Variants in ADAM12 observed in about 807,000 individuals in gnomAD.
The protein encoded by ADAM12 is disintegrin and metalloproteinase domain-containing protein 12.
In ADAM12, 70 loss-of-function variants were observed where a neutral mutation model predicts 106.4. That is an observed-to-expected ratio of 0.66 (90% CI 0.54 to 0.80). The LOEUF (loss-of-function observed/expected upper bound fraction) is 0.80, where lower values mean the gene tolerates loss of function less well. Among genes scored for constraint, ADAM12 ranks in the 30% least tolerant of loss-of-function variants. The probability of loss-of-function intolerance (pLI) is 0.00; values close to 1 mark genes in which losing one functional copy is unlikely to be tolerated. For missense variants in ADAM12, 1,010 were observed against 1,171.9 expected, an observed-to-expected ratio of 0.86 and a Z score of 2.02; for synonymous variants, 420 against 433.5, an observed-to-expected ratio of 0.97 and a Z score of 0.39.
intron 5 of ADAM12, among the ~76,000 whole-genome samples, chr10:126,128,192 C>T (rs1956237256): frequency 6.6e-6 from 1 of 152,078 alleles, no homozygotes; most frequent in African/African-American, 2.4e-5. Context: ...GTGAGCTTCC[C>T]ATGAGGACAA....
intron 5 of ADAM12, among the ~76,000 whole-genome samples, chr10:126,125,249 CTT>C (rs35917087): frequency 3.7e-5 from 5 of 134,230 alleles, no homozygotes; most frequent in Admixed American, 8.0e-5. Flanking sequence ...CTTTTCTTTT[CTT>C]TTTTTTTTTT....
intron 3 of ADAM12, among the ~76,000 whole-genome samples, chr10:126,206,858 G>GA (rs927028647): frequency 1.4e-5 from 2 of 139,172 alleles, no homozygotes; most frequent in Admixed American, 1.4e-4. Context: ...GTGTTGTGGG[G>GA]GCGGGGGGGA....
At chr10:126,368,348 T>G (rs1855987656) in intron 1 of ADAM12, among the ~76,000 whole-genome samples, 1 of 141,084 alleles carries the variant, frequency 7.1e-6, no homozygotes, top group African/African-American at 2.6e-5. Context: ...GCTTAGATTG[T>G]GTGATTTGTT....
At chr10:126,057,549 G>A (rs953867779) in intron 14 of ADAM12, among the ~76,000 whole-genome samples, 10 of 152,044 alleles carry the variant, frequency 6.6e-5, no homozygotes, top group African/African-American at 1.9e-4. Flanking sequence ...AGGACGCAGC[G>A]GCCGGAACTT....
At chr10:126,032,103 T>TA (rs2133391215) in intron 21 of ADAM12, among the ~76,000 whole-genome samples, 1 of 152,332 alleles carries the variant, frequency 6.6e-6, no homozygotes. Context: ...AGACCTAGCT[T>TA]ACAGTTTAAA....
chr10:126,157,844 C>G (rs945357894), intron 3 of ADAM12, among the ~76,000 whole-genome samples: 2 of 149,416 alleles, frequency 1.3e-5, no homozygotes, highest in Non-Finnish European at 3.0e-5. Flanking sequence ...GTCACGCAGT[C>G]ATGAGCAAAG....
intron 22 of ADAM12, 90 bp downstream of exon 22, chr10:126,019,605 C>G: frequency 6.6e-7 from 1 of 1,516,752 alleles, no homozygotes; most frequent in Non-Finnish European, 8.9e-7. Context: ...CGGCCTAGAC[C>G]ACTGCACCCC....
intron 4 of ADAM12, among the ~76,000 whole-genome samples, chr10:126,150,574 C>T (rs896449015): frequency 1.3e-5 from 2 of 152,136 alleles, no homozygotes; most frequent in Admixed American, 1.3e-4. Flanking sequence ...CTCCCCCACC[C>T]TCTATCCCCT....
At chr10:126,249,571 G>T (rs907754844) in intron 3 of ADAM12, among the ~76,000 whole-genome samples, 31 of 152,160 alleles carry the variant, frequency 2.0e-4, no homozygotes, top group African/African-American at 3.4e-4. Context: ...GGTGGCGGGC[G>T]CCTGTGCCTG....
intron 21 of ADAM12, among the ~76,000 whole-genome samples, chr10:126,027,368 T>A (rs1953893479): frequency 1.3e-5 from 2 of 152,154 alleles, no homozygotes; most frequent in African/African-American, 4.8e-5. Flanking sequence ...CCTCTCTAAC[T>A]CATTCTGTGA....
At chr10:126,157,557 C>T (rs772730263) in intron 3 of ADAM12, among the ~76,000 whole-genome samples, 1 of 152,210 alleles carries the variant, frequency 6.6e-6, no homozygotes. Context: ...CAGTTAGACC[C>T]CGATGGCAGG....
Position 126,106,107 on chromosome 10 carries a change from C to T in ADAM12, c.741+2486G>A, listed in dbSNP as rs548028281. On this transcript the variant is annotated intron_variant, in intron 8 of 22. Transcript: ENST00000448723. ...TCGTCTACCTGCCCCTCCACTCCAA[C>T]GAAACTGGCGGTCATGTGGTCTCCC... Among the ~76,000 whole-genome samples, 26 of 152,258 alleles carry T rather than the reference C, an allele frequency of 1.7e-4. No individual in the cohort carries two copies. In the South Asian group the frequency reaches 3.5e-3, roughly 21 times the overall value.
chr10:126,022,050 T>G (rs1291586538), intron 21 of ADAM12, among the ~76,000 whole-genome samples: 2 of 152,204 alleles, frequency 1.3e-5, no homozygotes, highest in Admixed American at 6.5e-5. Flanking sequence ...CTAAGCTGTC[T>G]TGGCAATAAA....
intron 3 of ADAM12, among the ~76,000 whole-genome samples, chr10:126,265,277 T>C (rs1232786948): frequency 6.6e-6 from 1 of 152,214 alleles, no homozygotes; most frequent in Middle Eastern, 3.2e-3. Flanking sequence ...ATCTCATATC[T>C]CAGGGAAACC....
rs891401110 is a variant in ADAM12, at chr10:126,014,015, C to T, written c.*3264G>A. On this transcript the variant is annotated 3_prime_UTR_variant, in exon 23 of 23. Transcript: ENST00000448723. ...GGAAGGATCTCCAGCCTGAGTGTGC[C>T]GTGGGCCCCCCGAATACATAGGGGA... The T allele has an allele frequency of 2.6e-5, 4 of 152,230 alleles. No individual in the cohort carries two copies. Among genetic ancestry groups the T allele is most frequent in the Admixed American group, 6.5e-5 (1 of 15,276 alleles). The allele number at this position is 152,230 out of a possible 1,614,324, so 9.4% of individuals were successfully genotyped here.
At chr10:126,070,042 C>T (rs1272417194) in intron 12 of ADAM12, among the ~76,000 whole-genome samples, 1 of 152,178 alleles carries the variant, frequency 6.6e-6, no homozygotes, top group Non-Finnish European at 1.5e-5. Flanking sequence ...CAAAGACAAA[C>T]CATTTTCAGC....
At chr10:126,256,560 C>T (rs1958897037) in intron 3 of ADAM12, among the ~76,000 whole-genome samples, 1 of 152,172 alleles carries the variant, frequency 6.6e-6, no homozygotes, top group Admixed American at 6.5e-5. Flanking sequence ...AGCCCTGGGG[C>T]CTTCAGGAGC....
intron 3 of ADAM12, among the ~76,000 whole-genome samples, chr10:126,268,325 GA>G (rs1387055763): frequency 2.0e-5 from 3 of 152,196 alleles, no homozygotes; most frequent in African/African-American, 7.2e-5. Context: ...TTTGAAGGCT[GA>G]ATAAAATTTC....
intron 12 of ADAM12, 84 bp downstream of exon 12, chr10:126,071,393 T>C: frequency 6.6e-7 from 1 of 1,509,848 alleles, no homozygotes; most frequent in Non-Finnish European, 9.0e-7. Context: ...TTCATCTGGC[T>C]GTACAGTTCC....
Sources: gnomAD v4.1 joint callset for allele counts (sites outside exome capture counted in the v4.1 genomes callset) on GRCh38, gnomAD v4.1.1 for gene constraint, MANE v1.5 for transcripts, NCBI Gene and HGNC (gene_info 2026-07-23, HGNC 2026-07-21) for gene names.